CHD1L: variants seen among roughly 807,000 people sequenced by gnomAD.
CHD1L encodes the protein chromodomain helicase DNA binding protein 1 like, also known as ATP-dependent chromatin remodeler CHD1L.
Under a neutral mutation model 115.9 loss-of-function variants are expected in CHD1L, and 118 were observed. That is an observed-to-expected ratio of 1.02 (90% confidence interval 0.88 to 1.19). The LOEUF (loss-of-function observed/expected upper bound fraction) is 1.19, where lower values mean the gene tolerates loss of function less well. Among genes scored for constraint, CHD1L ranks in the 50% most tolerant of loss-of-function variants. The pLI is 0.00. For synonymous variants in CHD1L, 411 were observed against 387.1 expected (o/e 1.06, Z -0.72); for missense variants, 1,179 against 1,065.3 (o/e 1.11, Z -1.49).
the CHD1L span, among the ~76,000 whole-genome samples, chr1:147,195,436 A>G: frequency 2.0e-5 from 3 of 152,086 alleles, no homozygotes; most frequent in African/African-American, 4.8e-5. Flanking sequence ...CCCAGCCAAA[A>G]TAAATCTTAA....
intron 1 of CHD1L, among the ~76,000 whole-genome samples, chr1:147,243,994 C>T (rs587665067): frequency 6.6e-6 from 1 of 152,180 alleles, no homozygotes; most frequent in Non-Finnish European, 1.5e-5. Flanking sequence ...CTCCTTGATT[C>T]CCTGAGTCTG....
rs1553963880 is a variant in CHD1L, at chr1:147,284,379, A to C, written c.1734A>C (p.Lys578Asn). The stretch of plus-strand genomic sequence containing the variant: ...ATCATATGTACTTATTTGAAGGTAA[A>C]GATTATTCTAAAGAGCCCAGTAAGG... ...GKNHMYLFEG[K>N]DYSKEPSKED... Residue 578 changes from lysine (K) to asparagine (N), a missense_variant, in exon 16 of 23, where the codon AAA (lysine) becomes AAC (asparagine). By Grantham distance (94) the Lys-to-Asn change is moderately conservative. Transcript: ENST00000369258. 6.3e-7 allele frequency: 1 copy of C among 1,589,150 alleles called. No homozygotes were observed. Among genetic ancestry groups the C allele is most frequent in the African/African-American group, 1.4e-5 (1 of 73,616 alleles).
At chr1:147,225,385 C>T in the CHD1L span, 6 of 219,398 alleles carry the variant, frequency 2.7e-5, no homozygotes, top group East Asian at 6.1e-4. Context: ...AACGGACAAA[C>T]AGCGAGAGCC....
chr1:147,175,591 T>C, the CHD1L span: 1 of 152,012 alleles, frequency 6.6e-6, no homozygotes, highest in Non-Finnish European at 1.5e-5. Flanking sequence ...CTCTCCCCTG[T>C]GCCACATAAG....
intron 1 of CHD1L, among the ~76,000 whole-genome samples, chr1:147,243,672 G>A (rs1553932555): frequency 6.6e-6 from 1 of 152,148 alleles, no homozygotes; most frequent in African/African-American, 2.4e-5. Flanking sequence ...TGCTTTGACT[G>A]TATTGACAGA....
chr1:147,203,709 C>G, the CHD1L span: 9 of 1,515,674 alleles, frequency 5.9e-6, no homozygotes, highest in South Asian at 1.0e-4. Flanking sequence ...CCTCTGGGTA[C>G]AAGACGTTTA....
At chr1:147,260,083 T>G (rs1671421528) in intron 6 of CHD1L, 165 bp downstream of exon 6, 1 of 518,778 alleles carries the variant, frequency 1.9e-6, no homozygotes, top group African/African-American at 1.9e-5. Context: ...CCCACACTTG[T>G]ACAGCTTCAC....
chr1:147,245,634 T>G (rs1450210259), intron 1 of CHD1L, among the ~76,000 whole-genome samples: 2 of 152,142 alleles, frequency 1.3e-5, no homozygotes, highest in Non-Finnish European at 2.9e-5. Context: ...TGCTGTTGAC[T>G]CCTAAGTGTT....
At chr1:147,294,562 G>C in intron 22 of CHD1L, 45 bp downstream of exon 22, 4 of 1,460,472 alleles carry the variant, frequency 2.7e-6, no homozygotes, top group Non-Finnish European at 3.8e-6. Flanking sequence ...AACCCAAGAG[G>C]GAAAATGTGT....
the CHD1L span, among the ~76,000 whole-genome samples, chr1:147,226,228 C>G: frequency 2.6e-5 from 4 of 151,890 alleles, no homozygotes; most frequent in African/African-American, 9.7e-5. Flanking sequence ...CCTGCCCCCA[C>G]TTCCGCCCCC....
the CHD1L span, chr1:147,208,797 G>A: frequency 6.9e-7 from 1 of 1,447,976 alleles, no homozygotes; most frequent in Admixed American, 1.7e-5. Context: ...AGTGTGAAGA[G>A]TCCTTATTCT....
chr1:147,278,979 A>G (rs947841642), intron 14 of CHD1L, among the ~76,000 whole-genome samples: 1 of 152,228 alleles, frequency 6.6e-6, no homozygotes, highest in Admixed American at 6.5e-5. Flanking sequence ...GGAGGTGAGC[A>G]TAAGTACAAG....
At position 147,270,773 on chromosome 1, in the gene CHD1L, C is replaced by T. The variant is rs1297985306; in HGVS notation, c.1086-159C>T. ...TGTGGAGGTGTATTCTCATAGAAAG[C>T]ATTTGGAGGTTCTGAGGCAGTCTAT... On this transcript the variant is annotated intron_variant, in intron 10 of 22. Coordinates refer to ENST00000369258, the MANE Select transcript of CHD1L (RefSeq NM_004284.6). The T allele has an allele frequency of 9.9e-6, 6 of 605,146 alleles. No homozygotes were observed. In the Admixed American group the frequency reaches 1.0e-4, roughly 11 times the overall value. 37.5% of individuals were successfully genotyped at this position (605,146 alleles called of 1,614,324 possible).
the CHD1L span, among the ~76,000 whole-genome samples, chr1:147,220,466 A>G: frequency 6.6e-6 from 1 of 152,184 alleles, no homozygotes; most frequent in African/African-American, 2.4e-5. Flanking sequence ...TTCATATGGA[A>G]AGACAGAAGG....
intron 10 of CHD1L, among the ~76,000 whole-genome samples, chr1:147,269,767 A>G (rs1675426838): frequency 1.3e-5 from 2 of 151,748 alleles, no homozygotes; most frequent in East Asian, 3.9e-4. Context: ...CTCTCTTTCT[A>G]GAGGAGTCTA....
intron 5 of CHD1L, chr1:147,258,818 T>G (rs1055028285): frequency 7.2e-5 from 11 of 152,208 alleles, no homozygotes; most frequent in Non-Finnish European, 1.0e-4. Context: ...ATACATTTAG[T>G]TTTTTAAATA....
intron 4 of CHD1L, among the ~76,000 whole-genome samples, chr1:147,256,314 AAGAC>A (rs1276646915): frequency 6.6e-6 from 1 of 151,860 alleles, no homozygotes; most frequent in Non-Finnish European, 1.5e-5. Context: ...TTTTCAGTCT[AAGAC>A]AGTGTGTGCC....
chr1:147,200,211 G>T, the CHD1L span, among the ~76,000 whole-genome samples: 1 of 152,102 alleles, frequency 6.6e-6, no homozygotes, highest in Non-Finnish European at 1.5e-5. Context: ...TAACCCTCAA[G>T]ATTTCACTCC....
At chr1:147,282,154 G>A (rs1553962363) in intron 15 of CHD1L, among the ~76,000 whole-genome samples, 1 of 152,178 alleles carries the variant, frequency 6.6e-6, no homozygotes, top group East Asian at 1.9e-4. Context: ...GGCAGCTCTG[G>A]CATGGGCCCT....
Sources: gnomAD v4.1 joint callset for allele counts (sites outside exome capture counted in the v4.1 genomes callset) on GRCh38, gnomAD v4.1.1 for gene constraint, MANE v1.5 for transcripts, NCBI Gene and HGNC (gene_info 2026-07-23, HGNC 2026-07-21) for gene names.